Variants in CALB2 observed in about 807,000 individuals in gnomAD.
The protein encoded by CALB2 is calretinin.
A neutral mutation model predicts 45.9 loss-of-function variants in CALB2; 34 were observed. The observed-to-expected ratio is 0.74, with a 90% CI of 0.56 to 0.99. The LOEUF is 0.99. Among genes scored for constraint, CALB2 ranks in the 50% least tolerant of loss-of-function variants. CALB2 has a pLI of 0.00. For synonymous variants in CALB2, 142 were observed against 129.6 expected (o/e 1.10, Z -0.65); for missense variants, 344 against 339.3 (o/e 1.01, Z -0.11).
intron 4 of CALB2, among the ~76,000 whole-genome samples, chr16:71,378,140 C>G (rs2042439904): frequency 6.6e-6 from 1 of 152,144 alleles, no homozygotes; most frequent in Admixed American, 6.5e-5. Flanking sequence ...AGGAGAATCA[C>G]TTGAACTCGA....
At position 71,370,267 on chromosome 16, in the gene CALB2, C is replaced by A. The variant is rs139420799; in HGVS notation, c.95-1886C>A. On this transcript the variant is annotated intron_variant, in intron 1 of 10. Transcript: ENST00000302628. ...GGAGAGGCTGGGAAAAGCCTCCCCC[C>A]ACAACCCCTCACAGAGGCTGGGGTA... Among the ~76,000 whole-genome samples, 39 of 152,302 alleles carry A rather than the reference C, an allele frequency of 2.6e-4. No homozygotes were observed. In the East Asian group the frequency reaches 6.8e-3, roughly 26 times the overall value.
intron 1 of CALB2, among the ~76,000 whole-genome samples, chr16:71,363,587 C>A (rs183028802): frequency 9.2e-5 from 14 of 152,258 alleles, no homozygotes; most frequent in African/African-American, 3.4e-4. Flanking sequence ...GGTCACTGCT[C>A]ATTTGTTTGT....
At chr16:71,370,901 G>C (rs148847888) in intron 1 of CALB2, among the ~76,000 whole-genome samples, 1 of 152,082 alleles carries the variant, frequency 6.6e-6, no homozygotes, top group African/African-American at 2.4e-5. Flanking sequence ...GACCATCCAG[G>C]CTCAAGGCGT....
intron 1 of CALB2, among the ~76,000 whole-genome samples, chr16:71,368,869 G>A (rs2042315423): frequency 6.6e-6 from 1 of 152,162 alleles, no homozygotes. Flanking sequence ...GCGAGGCACT[G>A]GATGATTGTC....
At chr16:71,365,401 C>T (rs2042273574) in intron 1 of CALB2, among the ~76,000 whole-genome samples, 1 of 152,224 alleles carries the variant, frequency 6.6e-6, no homozygotes, top group Admixed American at 6.5e-5. Context: ...CTGCTTAGAA[C>T]ACAGGCTTCT....
intron 4 of CALB2, among the ~76,000 whole-genome samples, chr16:71,379,533 T>A (rs1448905620): frequency 6.6e-6 from 1 of 152,226 alleles, no homozygotes; most frequent in Non-Finnish European, 1.5e-5. Flanking sequence ...CAATTATTTC[T>A]TGCTCTCTTT....
In CALB2 at chr16:71,383,360, G is replaced by A. The variant is rs1431628674; in HGVS notation, c.400-7G>A. On this transcript the variant is annotated splice_polypyrimidine_tract_variant and splice_region_variant and intron_variant, in intron 5 of 10. Coordinates refer to ENST00000302628, the MANE Select transcript of CALB2 (RefSeq NM_001740.5). ...CAGGAGTACTAAAGAGGCCTTTTGT[G>A]TTGCAGGGATTCCTGTCAGACCTGC... 5.0e-6 allele frequency: 8 copies of A among 1,613,956 alleles called. No individual in the cohort carries two copies. Among genetic ancestry groups the A allele is most frequent in the Non-Finnish European group, 5.1e-6 (6 of 1,179,872 alleles).
At chr16:71,388,729 A>G (rs2145008899) in intron 10 of CALB2, among the ~76,000 whole-genome samples, 1 of 151,766 alleles carries the variant, frequency 6.6e-6, no homozygotes, top group African/African-American at 2.4e-5. Flanking sequence ...ACCTGTAATC[A>G]CAGCACTTTG....
intron 4 of CALB2, among the ~76,000 whole-genome samples, chr16:71,382,290 G>A (rs1230914002): frequency 2.0e-5 from 3 of 152,168 alleles, no homozygotes; most frequent in East Asian, 3.9e-4. Context: ...CCCCTCCCCT[G>A]CACCACTGCC....
intron 6 of CALB2, 57 bp downstream of exon 6, chr16:71,383,501 C>G (rs1470337974): frequency 6.6e-7 from 1 of 1,509,030 alleles, no homozygotes; most frequent in East Asian, 2.3e-5. Flanking sequence ...CCCCAAGCCA[C>G]TTGGGCTCTG....
intron 1 of CALB2, among the ~76,000 whole-genome samples, chr16:71,364,315 T>G (rs948246572): frequency 1.2e-4 from 18 of 150,612 alleles, no homozygotes; most frequent in Non-Finnish European, 1.9e-4. Context: ...GTCCCTGCCC[T>G]GCTCAGCTTG....
chr16:71,374,869 G>A (rs1462132476), intron 3 of CALB2, 35 bp downstream of exon 3: 3 of 1,458,320 alleles, frequency 2.1e-6, no homozygotes, highest in Non-Finnish European at 2.9e-6. Flanking sequence ...AGCTGTGTGG[G>A]AGGGGCCCTG....
intron 1 of CALB2, among the ~76,000 whole-genome samples, chr16:71,371,365 T>C (rs1392680370): frequency 6.6e-6 from 1 of 152,156 alleles, no homozygotes; most frequent in Non-Finnish European, 1.5e-5. Flanking sequence ...TCTGTTTTTG[T>C]TTCCTAGGAC....
intron 10 of CALB2, among the ~76,000 whole-genome samples, chr16:71,388,837 G>A (rs1332986465): frequency 6.6e-6 from 1 of 150,468 alleles, no homozygotes; most frequent in Admixed American, 6.6e-5. Flanking sequence ...AAAAAAAAGT[G>A]CAAACATTAG....
Position 71,377,735 on chromosome 16 carries a change from C to A in CALB2, c.330C>A (p.Ala110=), listed in dbSNP as rs146835226. The A allele has an allele frequency of 2.5e-6, 4 of 1,613,590 alleles. No individual in the cohort carries two copies. The South Asian group carries it at 4.4e-5, about 18-fold the overall frequency. The change falls in exon 4 of 11, where the codon GCC becomes GCA. Residue 110 remains alanine (A), a synonymous_variant. Transcript: ENST00000302628. ...LCFRQHVGSS[A]EFMEAWRKYD... The stretch of plus-strand genomic sequence containing the variant: ...TCAGGCAGCACGTGGGCTCCAGCGC[C>A]GAGTTTATGGAGGTGAGGCCAAGGC...
At chr16:71,374,924 G>A (rs1414961230) in intron 3 of CALB2, 90 bp downstream of exon 3, 2 of 881,576 alleles carry the variant, frequency 2.3e-6, no homozygotes, top group African/African-American at 3.3e-5. Context: ...CTGAGGATTG[G>A]AGTGAGGTGG....
At chr16:71,382,918 T>G (rs1792582548) in intron 5 of CALB2, 143 bp downstream of exon 5, 1 of 727,984 alleles carries the variant, frequency 1.4e-6, no homozygotes, top group African/African-American at 1.8e-5. Flanking sequence ...GTTGGACTTG[T>G]TTAGAGAAGT....
chr16:71,374,071 A>G (rs2042383055), intron 2 of CALB2, among the ~76,000 whole-genome samples: 1 of 152,206 alleles, frequency 6.6e-6, no homozygotes, highest in African/African-American at 2.4e-5. Flanking sequence ...CAAATAATTA[A>G]TCAGCACTAT....
chr16:71,374,681 GCT>G, intron 2 of CALB2, 62 bp from the exon 3 acceptor site: 1 of 1,138,856 alleles, frequency 8.8e-7, no homozygotes, highest in Non-Finnish European at 1.3e-6. Flanking sequence ...CAAGCTTCCT[GCT>G]CTGAGATCAT....
Sources: allele counts gnomAD v4.1 joint callset (sites outside exome capture counted in the v4.1 genomes callset), GRCh38; gene constraint gnomAD v4.1.1; transcripts MANE v1.5; gene names NCBI Gene and HGNC (gene_info 2026-07-23, HGNC 2026-07-21).